Variants in PRKG1 observed in about 807,000 individuals in gnomAD.
The protein encoded by PRKG1 is cGMP-dependent protein kinase 1.
A neutral mutation model predicts 88.1 loss-of-function variants in PRKG1; 35 were observed. That is an observed-to-expected ratio of 0.40 (90% CI 0.30 to 0.53). PRKG1 has a LOEUF of 0.53. PRKG1 is among the 20% of genes least tolerant of loss of function. The pLI, the probability that PRKG1 is intolerant of heterozygous loss-of-function variation, is 0.59. For synonymous variants in PRKG1, 303 were observed against 292.5 expected (o/e 1.04, Z -0.37); for missense variants, 540 against 839.8 (o/e 0.64, Z 4.41).
At chr10:51,242,136 G>A (rs1839171271) in intron 2 of PRKG1, among the ~76,000 whole-genome samples, 1 of 152,144 alleles carries the variant, frequency 6.6e-6, no homozygotes, top group South Asian at 2.1e-4. Flanking sequence ...ATGACTGGGT[G>A]AGAAATTCTC....
chr10:52,282,119 G>A, intron 13 of PRKG1, 34 bp from the exon 14 acceptor site: 2 of 1,527,408 alleles, frequency 1.3e-6, no homozygotes, highest in Non-Finnish European at 1.8e-6. Flanking sequence ...TAATCATAAG[G>A]AGCTTAAGTA....
intron 4 of PRKG1, among the ~76,000 whole-genome samples, chr10:51,854,007 C>G (rs911098278): frequency 1.4e-4 from 22 of 152,142 alleles, no homozygotes; most frequent in African/African-American, 5.1e-4. Flanking sequence ...GCAATTGTTT[C>G]TACTAAATGT....
At chr10:51,891,385 C>A (rs1841717160) in intron 4 of PRKG1, among the ~76,000 whole-genome samples, 1 of 152,138 alleles carries the variant, frequency 6.6e-6, no homozygotes, top group South Asian at 2.1e-4. Context: ...TATTTTTGAA[C>A]CTATATTTCC....
rs571441577 is a variant in PRKG1 at position 51,281,988 on chromosome 10, C to T, written c.478+128658C>T. Among the ~76,000 whole-genome samples, 3 of 152,218 alleles carry T rather than the reference C, an allele frequency of 2.0e-5. No individual in the cohort carries two copies. In the East Asian group the frequency reaches 5.8e-4, roughly 29 times the overall value. On this transcript the variant is annotated intron_variant, in intron 2 of 17. Coordinates refer to ENST00000373980, the MANE Select transcript of PRKG1 (RefSeq NM_006258.4). The stretch of plus-strand genomic sequence containing the variant: ...GGGGTATTAATATGTTTAACAATCT[C>T]CCCAGATAATTTCTAATGTATGGCT...
chr10:51,003,165 AAACAACAACAACAAC>A (rs67761270), intron 1 of PRKG1, among the ~76,000 whole-genome samples: 37,295 of 150,850 alleles, frequency 0.25, 4,753 homozygotes, highest in South Asian at 0.37. Flanking sequence ...TGCAGGGCCA[AAACAACAACAACAAC>A]AACAACAACA....
intron 9 of PRKG1, among the ~76,000 whole-genome samples, chr10:52,174,809 C>T (rs1838814238): frequency 6.6e-6 from 1 of 151,930 alleles, no homozygotes; most frequent in Admixed American, 6.6e-5. Context: ...AAAGGCAAGA[C>T]ATATCTGCTT....
rs183628007 is a variant in PRKG1, at chr10:52,085,008, G to A, written c.935+22377G>A. Among the ~76,000 whole-genome samples the A allele has an allele frequency of 4.4e-3, 664 of 151,976 alleles. 1 individual carries two copies. Among genetic ancestry groups the A allele is most frequent in the Non-Finnish European group, 7.5e-3 (509 of 67,920 alleles). On this transcript the variant is annotated intron_variant, in intron 7 of 17. Coordinates refer to ENST00000373980, the MANE Select transcript of PRKG1 (RefSeq NM_006258.4). ...TCTGATATTTCCTCATGACTACATT[G>A]AGGTTATGTATTCTTTGCCAGAATA...
At chr10:51,899,423 G>A (rs897754455) in intron 4 of PRKG1, among the ~76,000 whole-genome samples, 1 of 151,560 alleles carries the variant, frequency 6.6e-6, no homozygotes, top group African/African-American at 2.4e-5. Context: ...TCAGCACTTT[G>A]GAAGACCGAG....
chr10:51,358,025 A>G (rs1052973791), intron 2 of PRKG1, among the ~76,000 whole-genome samples: 5 of 151,924 alleles, frequency 3.3e-5, no homozygotes, highest in African/African-American at 1.2e-4. Context: ...AAATTACGCC[A>G]AAACTTAGTG....
chr10:52,277,623 A>G (rs1841904979), intron 12 of PRKG1, among the ~76,000 whole-genome samples: 1 of 152,160 alleles, frequency 6.6e-6, no homozygotes, highest in Admixed American at 6.6e-5. Context: ...TAATTGCTCA[A>G]GAACAAACAG....
intron 2 of PRKG1, among the ~76,000 whole-genome samples, chr10:51,433,089 T>C (rs955636568): frequency 1.9e-4 from 29 of 152,164 alleles, no homozygotes; most frequent in Admixed American, 9.8e-4. Flanking sequence ...GGATTCTTGA[T>C]GCATGTCTTC....
intron 2 of PRKG1, among the ~76,000 whole-genome samples, chr10:51,291,253 G>A (rs1840575325): frequency 6.6e-6 from 1 of 152,114 alleles, no homozygotes; most frequent in African/African-American, 2.4e-5. Flanking sequence ...TGTATTGACT[G>A]AAGCCAAAAG....
At chr10:51,477,543 T>C (rs1840233948) in intron 3 of PRKG1, among the ~76,000 whole-genome samples, 1 of 151,850 alleles carries the variant, frequency 6.6e-6, no homozygotes, top group South Asian at 2.1e-4. Context: ...TGGGCCTCAG[T>C]TCTCTTACCT....
chr10:52,197,800 A>G (rs1454040676), intron 9 of PRKG1, among the ~76,000 whole-genome samples: 7 of 152,224 alleles, frequency 4.6e-5, no homozygotes, highest in African/African-American at 1.7e-4. Context: ...GACTTAAGAA[A>G]TATGGCTTTT....
intron 5 of PRKG1, among the ~76,000 whole-genome samples, chr10:52,007,705 T>G (rs11000432): frequency 0.26 from 38,926 of 152,068 alleles, 5,445 homozygotes; most frequent in Non-Finnish European, 0.33. Flanking sequence ...CTGACAGTAT[T>G]AAACATATCA....
At chr10:51,023,933 T>C (rs1843169813) in intron 1 of PRKG1, among the ~76,000 whole-genome samples, 1 of 152,224 alleles carries the variant, frequency 6.6e-6, no homozygotes, top group Non-Finnish European at 1.5e-5. Context: ...CAGGCAAATA[T>C]TGCAAGCTTT....
In PRKG1 at chr10:51,876,551, C is replaced by A. The variant is rs1354387783; in HGVS notation, c.699-30956C>A. ...CTTGCTTTTTAATATCTATATAAGG[C>A]CTTAGGCAAATCATGCTTACTTTCA... On this transcript the variant is annotated intron_variant, in intron 4 of 17. Transcript: ENST00000373980. Among the ~76,000 whole-genome samples, 3 of 152,156 alleles carry A rather than the reference C, an allele frequency of 2.0e-5. No individual in the cohort carries two copies. The East Asian group carries it at 5.8e-4, about 29-fold the overall frequency.
At position 52,280,876 on chromosome 10, in the gene PRKG1, C is replaced by T. The variant is rs750494870; in HGVS notation, c.1491C>T (p.Tyr497=). 1.6e-5 allele frequency: 26 copies of T among 1,613,358 alleles called. No individual in the cohort carries two copies. The highest frequency in any genetic ancestry group is 2.1e-5 in the Non-Finnish European group (25 of 1,179,594). The change falls in exon 13 of 18, where the codon TAC becomes TAT. Residue 497 remains tyrosine, a synonymous_variant. Transcript: ENST00000373980. The part of the protein sequence containing the change: ...FAYLHSKGII[Y]RDLKPENLIL... ...ATCTGCATTCCAAAGGAATCATTTA[C>T]AGGGACCTCAAGCCAGAAAATCTCA...
At chr10:52,102,589 G>GAAA (rs1847319333) in intron 7 of PRKG1, among the ~76,000 whole-genome samples, 1 of 38,310 alleles carries the variant, frequency 2.6e-5, no homozygotes, top group African/African-American at 8.0e-5. Flanking sequence ...TGTGGATATG[G>GAAA]CAAAAAAAAG....
Sources: gnomAD v4.1 joint callset for allele counts (sites outside exome capture counted in the v4.1 genomes callset) on GRCh38, gnomAD v4.1.1 for gene constraint, MANE v1.5 for transcripts, NCBI Gene and HGNC (gene_info 2026-07-23, HGNC 2026-07-21) for gene names.